The following CNBD1 variants were observed in gnomAD, a reference collection of about 807,000 sequenced individuals.
CNBD1 encodes the protein cyclic nucleotide binding domain containing 1.
In CNBD1, 71 loss-of-function variants were observed where a neutral mutation model predicts 54.4. The observed-to-expected ratio is 1.30, with a 90% CI of 1.08 to 1.59. The LOEUF (loss-of-function observed/expected upper bound fraction) is 1.59. Ranked by LOEUF, CNBD1 falls within the 40% of genes most tolerant of loss-of-function variation. The pLI is 0.00. For missense variants in CNBD1, 659 were observed against 518.0 expected (o/e 1.27, Z -2.64); for synonymous variants, 182 against 170.7 (o/e 1.07, Z -0.51).
At chr8:87,174,615 G>T (rs1020647385) in intron 4 of CNBD1, among the ~76,000 whole-genome samples, 2 of 152,124 alleles carry the variant, frequency 1.3e-5, no homozygotes, top group Non-Finnish European at 2.9e-5. Context: ...TCTTATCCTG[G>T]ATGGTCTTGA....
chr8:87,242,806 A>T (rs547297942), intron 6 of CNBD1, among the ~76,000 whole-genome samples: 8 of 152,214 alleles, frequency 5.3e-5, no homozygotes, highest in Non-Finnish European at 1.2e-4. Context: ...TTTCATAGAC[A>T]ATAATTTAAT....
intron 4 of CNBD1, among the ~76,000 whole-genome samples, chr8:86,989,604 C>T (rs1808695600): frequency 6.6e-6 from 1 of 152,092 alleles, no homozygotes; most frequent in Non-Finnish European, 1.5e-5. Context: ...GCACATGCCA[C>T]CATGCCCAGC....
chr8:86,893,032 A>G (rs1363155040), intron 2 of CNBD1, among the ~76,000 whole-genome samples: 1 of 152,200 alleles, frequency 6.6e-6, no homozygotes. Context: ...GCTTCGAGCC[A>G]TTAAACATTG....
At chr8:86,959,367 C>G (rs1325956914) in intron 4 of CNBD1, among the ~76,000 whole-genome samples, 1 of 152,148 alleles carries the variant, frequency 6.6e-6, no homozygotes. Context: ...ATGGCGTTCT[C>G]TGTATTTCCT....
chr8:86,958,788 T>G (rs9774553), intron 4 of CNBD1, among the ~76,000 whole-genome samples: 1 of 152,152 alleles, frequency 6.6e-6, no homozygotes, highest in Non-Finnish European at 1.5e-5. Flanking sequence ...ATCCAATTTG[T>G]CAGTATGTGT....
At chr8:86,972,884 C>G (rs1033872503) in intron 4 of CNBD1, among the ~76,000 whole-genome samples, 1 of 152,170 alleles carries the variant, frequency 6.6e-6, no homozygotes, top group Non-Finnish European at 1.5e-5. Flanking sequence ...GTAGCCCTCT[C>G]AGGACATCAA....
At chr8:87,229,311 A>G (rs1376036516) in intron 5 of CNBD1, among the ~76,000 whole-genome samples, 1 of 152,116 alleles carries the variant, frequency 6.6e-6, no homozygotes, top group Non-Finnish European at 1.5e-5. Context: ...TTTTTTAAAT[A>G]CATGAAATCG....
intron 4 of CNBD1, among the ~76,000 whole-genome samples, chr8:87,129,901 C>T (rs1288198757): frequency 6.6e-6 from 1 of 152,114 alleles, no homozygotes; most frequent in Non-Finnish European, 1.5e-5. Flanking sequence ...GTTTAATTGA[C>T]CTACAGATTC....
intron 5 of CNBD1, among the ~76,000 whole-genome samples, chr8:87,220,755 G>A (rs1814315440): frequency 6.6e-6 from 1 of 151,776 alleles, no homozygotes; most frequent in Non-Finnish European, 1.5e-5. Flanking sequence ...GAATACTGTG[G>A]TCCTGAATAT....
chr8:87,405,402 G>A (rs1807635350), intron 2 of CNBD1, among the ~76,000 whole-genome samples: 1 of 151,954 alleles, frequency 6.6e-6, no homozygotes, highest in East Asian at 1.9e-4. Flanking sequence ...ATTAAGTCAG[G>A]AAATAATGCT....
At chr8:86,985,352 T>C (rs1039784376) in intron 4 of CNBD1, among the ~76,000 whole-genome samples, 3 of 152,196 alleles carry the variant, frequency 2.0e-5, no homozygotes, top group Non-Finnish European at 2.9e-5. Context: ...GTAGTGAGCA[T>C]ATTACCCACT....
chr8:87,231,631 A>G (rs938278262), intron 5 of CNBD1, among the ~76,000 whole-genome samples: 2 of 150,000 alleles, frequency 1.3e-5, no homozygotes, highest in African/African-American at 5.1e-5. Flanking sequence ...TTGTGAACAG[A>G]TTTTTTTCTC....
At chr8:87,356,144 T>C (rs547009270) in intron 10 of CNBD1, among the ~76,000 whole-genome samples, 17 of 152,270 alleles carry the variant, frequency 1.1e-4, no homozygotes, top group East Asian at 9.7e-4. Flanking sequence ...TTCTTTTCTT[T>C]ATAAATTACC....
chr8:87,194,315 T>A (rs191848533), intron 4 of CNBD1, among the ~76,000 whole-genome samples: 12 of 152,308 alleles, frequency 7.9e-5, no homozygotes, highest in Non-Finnish European at 1.6e-4. Context: ...AGGGGAACAA[T>A]GTTTAAGAAG....
At chr8:87,421,009 T>A (rs1267409876) in intron 2 of CNBD1, among the ~76,000 whole-genome samples, 1 of 151,968 alleles carries the variant, frequency 6.6e-6, no homozygotes, top group Non-Finnish European at 1.5e-5. Context: ...AAATCAAGAA[T>A]CAAAATTCTG....
At chr8:87,062,970 G>A (rs2974278) in intron 4 of CNBD1, among the ~76,000 whole-genome samples, 133,776 of 152,140 alleles carry the variant, frequency 0.88, 59,297 homozygotes, top group African/African-American at 0.97. Context: ...ATATAGCTGC[G>A]TTATTAGTAT....
intron 4 of CNBD1, among the ~76,000 whole-genome samples, chr8:87,005,511 A>G (rs1357122152): frequency 6.6e-6 from 1 of 152,128 alleles, no homozygotes; most frequent in Non-Finnish European, 1.5e-5. Context: ...TGTCACTCAC[A>G]TCAGAAATGA....
At chr8:87,048,086 C>T (rs910054747) in intron 4 of CNBD1, among the ~76,000 whole-genome samples, 2 of 152,068 alleles carry the variant, frequency 1.3e-5, no homozygotes, top group African/African-American at 4.8e-5. Context: ...CAACCTTAAC[C>T]TTTGAGAGAG....
At chr8:87,152,456 AT>A (rs1444697850) in intron 4 of CNBD1, among the ~76,000 whole-genome samples, 3 of 151,172 alleles carry the variant, frequency 2.0e-5, no homozygotes, top group South Asian at 2.1e-4. Context: ...AAAAAAAAAA[AT>A]CTCAAAAAAA....
Sources: allele counts gnomAD v4.1 joint callset (sites outside exome capture counted in the v4.1 genomes callset), GRCh38; gene constraint gnomAD v4.1.1; transcripts MANE v1.5; gene names NCBI Gene and HGNC (gene_info 2026-07-23, HGNC 2026-07-21).